SLC8A2: variants seen among roughly 807,000 people sequenced by gnomAD.
SLC8A2 encodes the protein sodium/calcium exchanger 2.
SLC8A2 carries 14 observed loss-of-function variants against 70.2 expected under a neutral mutation model. The observed-to-expected ratio is 0.20, with a 90% confidence interval of 0.13 to 0.31. The LOEUF (loss-of-function observed/expected upper bound fraction) is 0.31. Among genes scored for constraint, SLC8A2 ranks in the 10% least tolerant of loss-of-function variants. The pLI, the probability that SLC8A2 is intolerant of heterozygous loss-of-function variation, is 1.00. For synonymous variants in SLC8A2, 575 were observed against 594.3 expected, an observed-to-expected ratio of 0.97 and a Z score of 0.47; for missense variants, 779 against 1,320.1, an observed-to-expected ratio of 0.59 and a Z score of 6.35.
Position 47,457,157 on chromosome 19 carries a change from G to A in SLC8A2, c.1113C>T (p.His371=). The change falls in exon 3 of 10, where the codon CAC becomes CAT. Residue 371 remains histidine, a synonymous_variant. Transcript: ENST00000236877. ...CCGCCCTGCGCGAGGCGTCCGCCGC[G>A]TGTCTGCGCAGCACGTTCCCGGCGC... ...MTGAGNVLRR[H]AADASRRAAP... 1 of 1,542,856 alleles carries A rather than the reference G, an allele frequency of 6.5e-7. No homozygotes were observed. The highest frequency in any genetic ancestry group is 1.2e-5 in the South Asian group (1 of 83,272).
intron 3 of SLC8A2, among the ~76,000 whole-genome samples, chr19:47,452,445 AGTGT>A (rs1158828688): frequency 0.037 from 1,970 of 52,618 alleles, 68 homozygotes; most frequent in Middle Eastern, 0.095. Context: ...AGAGAGAGAG[AGTGT>A]GTGTGTGTGT....
Position 47,432,031 on chromosome 19 carries a change from C to T in SLC8A2, c.2389+136G>A. 1.3e-6 allele frequency: 1 copy of T among 798,098 alleles called. No homozygotes were observed. Among genetic ancestry groups the T allele is most frequent in the Non-Finnish European group, 1.9e-6 (1 of 524,864 alleles). The allele number at this position is 798,098 out of a possible 1,614,324, so 49.4% of individuals were successfully genotyped here. A position where few individuals can be genotyped will look rare whatever the true frequency, so the allele number is the denominator to read the frequency against. On this transcript the variant is annotated intron_variant, in intron 9 of 9. Coordinates refer to ENST00000236877, the MANE Select transcript of SLC8A2 (RefSeq NM_015063.3). The surrounding 1 kb of genome is among the most constrained non-coding windows in gnomAD (Gnocchi z 6.2). Reference sequence around the variant, plus strand: ...GACCCGCTGCCTGGCTTCTATTATGCCCCACCTCCGTATTTCTCTGAGACC... The same window carrying T: ...GACCCGCTGCCTGGCTTCTATTATGTCCCACCTCCGTATTTCTCTGAGACC...
chr19:47,430,332 C>G lies in SLC8A2; in HGVS notation c.2523G>C (p.Trp841Cys). ...GVAWSVAAVY[W>C]AVQGRPFEVR... Reference sequence around the variant, plus strand: ...CCTCGAAGGGGCGGCCCTGCACCGCCCAGTACACGGCGGCCACAGACCAGG... The same window carrying G: ...CCTCGAAGGGGCGGCCCTGCACCGCGCAGTACACGGCGGCCACAGACCAGG... The change falls in exon 10 of 10, where the codon TGG becomes TGC. Residue 841 changes from tryptophan (W) to cysteine (C), a missense_variant. Trp to Cys is a radical substitution (Grantham distance 215). This residue lies in a region of SLC8A2 where 108 missense variants were observed against 269.6 expected (regional missense o/e 0.40). Coordinates refer to ENST00000236877, the MANE Select transcript of SLC8A2 (RefSeq NM_015063.3). The surrounding 1 kb of genome is among the most constrained non-coding windows in gnomAD (Gnocchi z 5.9). 6.2e-7 allele frequency: 1 copy of G among 1,612,344 alleles called. No homozygotes were observed. The highest frequency in any genetic ancestry group is 2.2e-5 in the East Asian group (1 of 44,830).
At position 47,447,621 on chromosome 19, in the gene SLC8A2, TCGTGGGCATGGGTCACAGGCCCCGCCCAC is replaced by T; in HGVS notation, c.1763+159_1763+187del. 2 of 395,242 alleles carry T rather than the reference TCGTGGGCATGGGTCACAGGCCCCGCCCAC, an allele frequency of 5.1e-6. No homozygotes were observed. The highest frequency in any genetic ancestry group is 4.1e-5 in the African/African-American group (1 of 24,552). 24.5% of individuals were successfully genotyped at this position (395,242 alleles called of 1,614,324 possible). ...GCTGTTCAGTGAAGCCCCGCCCACG[TCGTGGGCATGGGTCACAGGCCCCGCCCAC>T]GTTGCGGGCACGGCCACGCAGGCCC... On this transcript the variant is annotated intron_variant, in intron 4 of 9. Coordinates refer to ENST00000236877, the MANE Select transcript of SLC8A2 (RefSeq NM_015063.3). This position sits in a 1 kb window ranked among gnomAD's most constrained non-coding sequence, Gnocchi z 5.1.
At position 47,470,481 on chromosome 19, in the gene SLC8A2, G is replaced by A. The variant is rs371178410; in HGVS notation, c.-17+1308C>T. On this transcript the variant is annotated intron_variant, in intron 1 of 9. Coordinates refer to ENST00000236877, the MANE Select transcript of SLC8A2 (RefSeq NM_015063.3). ...CCCCTTCTCTCAAGGAAGGCAGACA[G>A]TGTGTTGGCCAGGGCCCTCTCAGCA... Among the ~76,000 whole-genome samples the A allele has an allele frequency of 9.2e-5, 14 of 152,246 alleles. No individual in the cohort carries two copies. In the South Asian group the frequency reaches 2.9e-3, roughly 32 times the overall value.
intron 8 of SLC8A2, among the ~76,000 whole-genome samples, chr19:47,435,323 A>G (rs1331780190): frequency 6.6e-6 from 1 of 152,106 alleles, no homozygotes; most frequent in Non-Finnish European, 1.5e-5. Flanking sequence ...TAATCACCTG[A>G]TCTAACCACC....
chr19:47,441,483 C>A, intron 4 of SLC8A2, 43 bp from the exon 5 acceptor site: 1 of 1,240,564 alleles, frequency 8.1e-7, no homozygotes, highest in Non-Finnish European at 1.2e-6. Context: ...CAGTGTAAGG[C>A]CCCCTCCCCA....
Position 47,436,220 on chromosome 19 carries a change from A to T in SLC8A2, c.2110+1242T>A, listed in dbSNP as rs145764218. Among the ~76,000 whole-genome samples the T allele has an allele frequency of 5.5e-3, 844 of 152,250 alleles. 4 individuals carry two copies. Among genetic ancestry groups the T allele is most frequent in the Non-Finnish European group, 7.3e-3 (495 of 68,016 alleles). ...AGCTGGGAAGCCACCCCCTCCAGGA[A>T]GCCCTCCCTGACTTTCAGGCTGGGT... On this transcript the variant is annotated intron_variant, in intron 8 of 9. Transcript: ENST00000236877.
chr19:47,452,439 AGAGAGAGT>A (rs1294129842), intron 3 of SLC8A2, among the ~76,000 whole-genome samples: 1,434 of 77,448 alleles, frequency 0.019, 5 homozygotes, highest in African/African-American at 0.027. Context: ...AGAGAGAGAG[AGAGAGAGT>A]GTGTGTGTGT....
intron 3 of SLC8A2, among the ~76,000 whole-genome samples, chr19:47,450,141 A>G (rs533282657): frequency 3.9e-5 from 6 of 152,170 alleles, no homozygotes; most frequent in Admixed American, 6.5e-5. Context: ...ATTTCCCCCA[A>G]TCCCTCCTAC....
Position 47,457,140 on chromosome 19 carries a change from C to T in SLC8A2, c.1130G>A (p.Arg377His), listed in dbSNP as rs774871863. Residue 377 changes from arginine (R) to histidine (H), a missense_variant, in exon 3 of 10, where the codon CGC becomes CAC. Transcript: ENST00000236877. Reference protein sequence around the residue: ...VLRRHAADASRRAAPAEGAGE... With the variant: ...VLRRHAADASHRAAPAEGAGE... Reference sequence around the variant, plus strand: ...CGCGCCCTCGGCCGGCGCCGCCCTGCGCGAGGCGTCCGCCGCGTGTCTGCG... The same window carrying T: ...CGCGCCCTCGGCCGGCGCCGCCCTGTGCGAGGCGTCCGCCGCGTGTCTGCG... The T allele has an allele frequency of 6.5e-7, 1 of 1,542,422 alleles. No homozygotes were observed. Among genetic ancestry groups the T allele is most frequent in the Non-Finnish European group, 8.7e-7 (1 of 1,144,076 alleles).
At chr19:47,433,009 C>T (rs776028982) in intron 8 of SLC8A2, among the ~76,000 whole-genome samples, 4 of 152,136 alleles carry the variant, frequency 2.6e-5, no homozygotes, top group Admixed American at 1.3e-4. Flanking sequence ...TTTAGTTTCC[C>T]GGAACTGCTT....
chr19:47,453,314 G>C (rs750960926), intron 3 of SLC8A2, among the ~76,000 whole-genome samples: 1 of 152,210 alleles, frequency 6.6e-6, no homozygotes, highest in Non-Finnish European at 1.5e-5. Flanking sequence ...ACTATGAAGA[G>C]AGCTTCCTCA....
Position 47,436,725 on chromosome 19 carries a change from A to G in SLC8A2, c.2110+737T>C, listed in dbSNP as rs571023640. Among the ~76,000 whole-genome samples, 3 of 152,188 alleles carry G rather than the reference A, an allele frequency of 2.0e-5. No individual in the cohort carries two copies. The East Asian group carries it at 5.8e-4, about 29-fold the overall frequency. On this transcript the variant is annotated intron_variant, in intron 8 of 9. Coordinates refer to ENST00000236877, the MANE Select transcript of SLC8A2 (RefSeq NM_015063.3). ...ACTCCCTCCTCTGTCTCTGAGCCTC[A>G]GTCTCCCCAGTCCATATCACAAAGG... is the stretch of plus-strand genomic sequence containing the variant.
At chr19:47,441,310 T>C in intron 5 of SLC8A2, 27 bp downstream of exon 5, 1 of 1,592,708 alleles carries the variant, frequency 6.3e-7, no homozygotes, top group Non-Finnish European at 8.6e-7. Context: ...CCCTTACTTC[T>C]CCCACAGCCC....
At chr19:47,439,726 C>T (rs1339604276) in intron 6 of SLC8A2, among the ~76,000 whole-genome samples, 1 of 151,522 alleles carries the variant, frequency 6.6e-6, no homozygotes, top group African/African-American at 2.4e-5. Context: ...TGCAGTGGCA[C>T]GATCTCGGCT....
In SLC8A2 at chr19:47,446,955, C is replaced by T. The variant is rs556839727; in HGVS notation, c.1763+854G>A. On this transcript the variant is annotated intron_variant, in intron 4 of 9. Transcript: ENST00000236877. ...TCCAGCCAGCCCACCTCCCCAGACC[C>T]CATTTTCCTAAATCCCAGCCCTCAG... is the stretch of plus-strand genomic sequence containing the variant. 3.3e-5 allele frequency among the ~76,000 whole-genome samples: 5 copies of T among 152,212 alleles called. No homozygotes were observed. In the South Asian group the frequency reaches 1.0e-3, roughly 32 times the overall value.
chr19:47,440,014 TTA>T (rs1218617068), intron 6 of SLC8A2, among the ~76,000 whole-genome samples: 1 of 152,160 alleles, frequency 6.6e-6, no homozygotes, highest in East Asian at 1.9e-4. Flanking sequence ...GGTCAGTTTG[TTA>T]TAGCAGCTTG....
intron 8 of SLC8A2, among the ~76,000 whole-genome samples, chr19:47,435,004 T>C (rs914238796): frequency 6.6e-6 from 1 of 151,674 alleles, no homozygotes; most frequent in African/African-American, 2.4e-5. Flanking sequence ...AGGTCAGGAG[T>C]TCAAGACCAG....
Sources: allele counts gnomAD v4.1 joint callset (sites outside exome capture counted in the v4.1 genomes callset), GRCh38; gene constraint gnomAD v4.1.1; regional missense constraint gnomAD v4.1.1; non-coding constraint Gnocchi (gnomAD v3.1); transcripts MANE v1.5; gene names NCBI Gene and HGNC (gene_info 2026-07-23, HGNC 2026-07-21).